GRM8: variants seen among roughly 807,000 people sequenced by gnomAD.
GRM8 encodes the protein glutamate metabotropic receptor 8.
GRM8 carries 47 observed loss-of-function variants against 87.2 expected under a neutral mutation model. The ratio of observed to expected loss-of-function variants is 0.54; its 90% CI spans 0.43 to 0.69. GRM8 has a LOEUF of 0.69. Among genes scored for constraint, GRM8 ranks in the 30% least tolerant of loss-of-function variants. The pLI is 0.00. For synonymous variants in GRM8, 396 were observed against 404.5 expected (o/e 0.98, Z 0.25); for missense variants, 1,019 against 1,139.2 (o/e 0.89, Z 1.52).
At chr7:126,490,601 C>T (rs1807895275) in intron 9 of GRM8, among the ~76,000 whole-genome samples, 1 of 151,986 alleles carries the variant, frequency 6.6e-6, no homozygotes, top group Non-Finnish European at 1.5e-5. Flanking sequence ...GAGGTGGTCT[C>T]CATGTTTCAG....
chr7:126,828,389 A>C (rs969560670), intron 6 of GRM8, among the ~76,000 whole-genome samples: 9 of 151,686 alleles, frequency 5.9e-5, no homozygotes, highest in Non-Finnish European at 8.8e-5. Context: ...ACAATTTCAG[A>C]TCCTGTTATT....
At chr7:126,462,366 G>A (rs1385531730) in intron 9 of GRM8, among the ~76,000 whole-genome samples, 2 of 151,278 alleles carry the variant, frequency 1.3e-5, no homozygotes, top group Non-Finnish European at 3.0e-5. Flanking sequence ...TTATTTCTAG[G>A]ATTTTTATGG....
chr7:126,525,908 A>G (rs1286032812), intron 9 of GRM8, among the ~76,000 whole-genome samples: 1 of 152,136 alleles, frequency 6.6e-6, no homozygotes, highest in Non-Finnish European at 1.5e-5. Context: ...ATTTCTTTTA[A>G]TTATTCAAAT....
At chr7:126,528,473 C>T (rs1814265599) in intron 9 of GRM8, among the ~76,000 whole-genome samples, 1 of 152,056 alleles carries the variant, frequency 6.6e-6, no homozygotes, top group East Asian at 1.9e-4. Context: ...TGGGTAACAG[C>T]CTAATGGTGA....
intron 3 of GRM8, among the ~76,000 whole-genome samples, chr7:126,996,436 A>G (rs1227906184): frequency 1.3e-5 from 2 of 152,078 alleles, no homozygotes; most frequent in African/African-American, 4.8e-5. Flanking sequence ...AACAACAGAA[A>G]GTCCTTACTT....
intron 9 of GRM8, among the ~76,000 whole-genome samples, chr7:126,468,945 T>C (rs1340076568): frequency 6.6e-6 from 1 of 152,156 alleles, no homozygotes; most frequent in Non-Finnish European, 1.5e-5. Context: ...GATAAAATAG[T>C]TCTTATCTCA....
intron 7 of GRM8, among the ~76,000 whole-genome samples, chr7:126,648,448 T>C (rs947794057): frequency 1.3e-5 from 2 of 152,200 alleles, no homozygotes; most frequent in African/African-American, 2.4e-5. Context: ...TTCAAAAATA[T>C]CTGTTCAATG....
At chr7:127,034,682 C>A (rs908215576) in intron 3 of GRM8, among the ~76,000 whole-genome samples, 5 of 152,168 alleles carry the variant, frequency 3.3e-5, no homozygotes, top group Admixed American at 2.0e-4. Context: ...TGACCTTACA[C>A]AAATTCAGTG....
intron 3 of GRM8, among the ~76,000 whole-genome samples, chr7:126,984,069 A>C (rs1402981240): frequency 2.0e-5 from 3 of 152,202 alleles, no homozygotes; most frequent in Non-Finnish European, 1.5e-5. Flanking sequence ...ATGTGACATA[A>C]GATTTATTGA....
intron 8 of GRM8, among the ~76,000 whole-genome samples, chr7:126,542,323 A>G (rs1239936959): frequency 1.3e-5 from 2 of 152,240 alleles, no homozygotes; most frequent in Non-Finnish European, 2.9e-5. Context: ...GGGACTGTAC[A>G]TACAGAAAGG....
intron 9 of GRM8, among the ~76,000 whole-genome samples, chr7:126,523,725 T>C (rs1212036009): frequency 1.3e-5 from 2 of 152,158 alleles, no homozygotes; most frequent in African/African-American, 4.8e-5. Context: ...CTAGAACTCT[T>C]GGCCTCAGCG....
At chr7:127,063,377 A>T (rs1482127740) in intron 3 of GRM8, among the ~76,000 whole-genome samples, 3 of 152,048 alleles carry the variant, frequency 2.0e-5, no homozygotes, top group Non-Finnish European at 4.4e-5. Flanking sequence ...GGAGTTTGAG[A>T]GCAGCCCAGC....
intron 6 of GRM8, among the ~76,000 whole-genome samples, chr7:126,852,582 G>C (rs1486971896): frequency 6.6e-6 from 1 of 152,176 alleles, no homozygotes; most frequent in Non-Finnish European, 1.5e-5. Context: ...GAACTAGAAA[G>C]ATTAGAAATT....
At chr7:126,482,000 T>A (rs1036130252) in intron 9 of GRM8, among the ~76,000 whole-genome samples, 5 of 152,030 alleles carry the variant, frequency 3.3e-5, no homozygotes, top group African/African-American at 1.2e-4. Context: ...GGCAAAGGAC[T>A]TGAATAGACA....
At chr7:127,168,797 T>C (rs181983192) in intron 2 of GRM8, among the ~76,000 whole-genome samples, 1 of 151,342 alleles carries the variant, frequency 6.6e-6, no homozygotes, top group East Asian at 1.9e-4. Flanking sequence ...TAAGTGGGAG[T>C]TGAACCATGA....
intron 2 of GRM8, chr7:127,112,458 A>AT (rs1826429012): frequency 6.6e-6 from 1 of 152,202 alleles, no homozygotes; most frequent in Non-Finnish European, 1.5e-5. Context: ...CAGATGTAAC[A>AT]TGAGCTCCCA....
intron 6 of GRM8, among the ~76,000 whole-genome samples, chr7:126,817,918 C>A (rs1793940032): frequency 6.6e-6 from 1 of 151,768 alleles, no homozygotes; most frequent in Admixed American, 6.6e-5. Context: ...ACTTTATTTT[C>A]CCAAACTATA....
At chr7:126,619,440 C>A (rs1462433741) in intron 7 of GRM8, among the ~76,000 whole-genome samples, 1 of 151,788 alleles carries the variant, frequency 6.6e-6, no homozygotes, top group African/African-American at 2.4e-5. Flanking sequence ...GTACAGCACA[C>A]CAACATGGCA....
chr7:126,931,827 G>A (rs1360065086), intron 3 of GRM8, among the ~76,000 whole-genome samples: 1 of 152,128 alleles, frequency 6.6e-6, no homozygotes, highest in Non-Finnish European at 1.5e-5. Context: ...AGCTCACATT[G>A]CAATATATTT....
Sources: gnomAD v4.1 joint callset for allele counts (sites outside exome capture counted in the v4.1 genomes callset) on GRCh38, gnomAD v4.1.1 for gene constraint, MANE v1.5 for transcripts, NCBI Gene and HGNC (gene_info 2026-07-23, HGNC 2026-07-21) for gene names.